Variants in RNFT2 observed in about 807,000 individuals in gnomAD.
The protein encoded by RNFT2 is E3 ubiquitin-protein ligase RNFT2.
A neutral mutation model predicts 53.0 loss-of-function variants in RNFT2; 36 were observed. The ratio of observed to expected loss-of-function variants is 0.68; its 90% CI spans 0.52 to 0.90. RNFT2 has a LOEUF of 0.90. RNFT2 is among the 40% of genes least tolerant of loss of function. The pLI, the probability that RNFT2 is intolerant of heterozygous loss-of-function variation, is 0.00. For synonymous variants in RNFT2, 260 were observed against 253.2 expected (o/e 1.03, Z -0.26); for missense variants, 514 against 585.6 (o/e 0.88, Z 1.26).
At chr12:116,791,162 A>AATCTG (rs1874213719) in intron 7 of RNFT2, among the ~76,000 whole-genome samples, 1 of 152,294 alleles carries the variant, frequency 6.6e-6, no homozygotes, top group South Asian at 2.1e-4. Flanking sequence ...GGCAACTGCC[A>AATCTG]ATCTGCTTTT....
At chr12:116,830,108 G>A (rs1249481666) in intron 7 of RNFT2, among the ~76,000 whole-genome samples, 1 of 152,064 alleles carries the variant, frequency 6.6e-6, no homozygotes. Context: ...AGTTGCAAAA[G>A]TAATGCTGCG....
At chr12:116,824,928 TTTG>T (rs772974486) in intron 7 of RNFT2, among the ~76,000 whole-genome samples, 6 of 152,090 alleles carry the variant, frequency 3.9e-5, no homozygotes, top group East Asian at 1.9e-4. Flanking sequence ...TACTTTAGTT[TTTG>T]TTGTTGTTGT....
intron 3 of RNFT2, among the ~76,000 whole-genome samples, chr12:116,743,080 CAAAAAAAA>C (rs10558117): frequency 6.1e-5 from 3 of 49,416 alleles, no homozygotes; most frequent in Admixed American, 3.3e-4. Context: ...GACCCTATCT[CAAAAAAAA>C]AAAAAAAAAA....
intron 6 of RNFT2, 77 bp from the exon 7 acceptor site, chr12:116,779,118 G>A (rs1054587456): frequency 2.1e-6 from 3 of 1,458,476 alleles, no homozygotes; most frequent in Non-Finnish European, 2.9e-6. Context: ...ATACTTAGAA[G>A]GCTCCTGAGT....
intron 6 of RNFT2, among the ~76,000 whole-genome samples, chr12:116,768,131 C>G (rs1287294251): frequency 2.1e-5 from 3 of 143,458 alleles, no homozygotes; most frequent in African/African-American, 7.9e-5. Flanking sequence ...TGGAGTTTCA[C>G]TCTTTGTTGC....
At chr12:116,841,083 G>A (rs1268089446) in intron 10 of RNFT2, among the ~76,000 whole-genome samples, 1 of 152,126 alleles carries the variant, frequency 6.6e-6, no homozygotes, top group Non-Finnish European at 1.5e-5. Flanking sequence ...ATCAATTGCT[G>A]TATAACAAGT....
intron 7 of RNFT2, among the ~76,000 whole-genome samples, chr12:116,813,534 T>C (rs899841081): frequency 1.3e-5 from 2 of 152,212 alleles, no homozygotes; most frequent in African/African-American, 2.4e-5. Context: ...ACCTGTGTGC[T>C]TCCATAGCCC....
At chr12:116,804,709 G>A (rs1178186613) in intron 7 of RNFT2, among the ~76,000 whole-genome samples, 5 of 152,130 alleles carry the variant, frequency 3.3e-5, no homozygotes, top group African/African-American at 1.2e-4. Context: ...GGTGGCTCAC[G>A]CCTGTAATCC....
intron 7 of RNFT2, among the ~76,000 whole-genome samples, chr12:116,803,561 G>C (rs571299297): frequency 1.3e-5 from 2 of 152,086 alleles, no homozygotes; most frequent in African/African-American, 4.8e-5. Context: ...GGTATCCCAG[G>C]TGCTGCTGTC....
intron 6 of RNFT2, among the ~76,000 whole-genome samples, chr12:116,767,894 C>G (rs569275055): frequency 6.6e-6 from 1 of 151,846 alleles, no homozygotes; most frequent in Admixed American, 6.6e-5. Context: ...TCTTTTTTCA[C>G]GTTAACTCTT....
Position 116,775,722 on chromosome 12 carries a change from CAATT to C in RNFT2, c.729-3469_729-3466del, listed in dbSNP as rs373155380. Among the ~76,000 whole-genome samples the C allele has an allele frequency of 7.0e-3, 1,070 of 152,288 alleles. 6 individuals carry two copies. The highest frequency in any genetic ancestry group is 0.012 in the Non-Finnish European group (834 of 68,026). On this transcript the variant is annotated intron_variant, in intron 6 of 10. Transcript: ENST00000257575. ...ACAATAAAACATTGGACATATATCA[CAATT>C]AATATGATTCTTTTACGATTAAATA... is the stretch of plus-strand genomic sequence containing the variant.
At chr12:116,823,940 T>TG (rs1391601791) in intron 7 of RNFT2, among the ~76,000 whole-genome samples, 1 of 152,164 alleles carries the variant, frequency 6.6e-6, no homozygotes, top group Non-Finnish European at 1.5e-5. Context: ...AAGGATGAAG[T>TG]GACTTGCCCC....
Position 116,836,198 on chromosome 12 carries a change from C to A in RNFT2, c.1116C>A (p.Ala372=), listed in dbSNP as rs769820551. The change falls in exon 10 of 11, where the codon GCC becomes GCA. Residue 372 remains alanine, a synonymous_variant. Transcript: ENST00000257575. ...LCTSQNYGVR[A]TGQQCTEAGD... ...CCTCAAAGAACTATGGAGTCCGAGC[C>A]ACCGGGCAGCAGTGCACAGAAGCTG... The A allele has an allele frequency of 6.3e-7, 1 of 1,595,510 alleles. No individual in the cohort carries two copies. The highest frequency in any genetic ancestry group is 1.8e-5 in the Admixed American group (1 of 56,948).
At chr12:116,793,724 A>G (rs780077850) in intron 7 of RNFT2, among the ~76,000 whole-genome samples, 10 of 151,732 alleles carry the variant, frequency 6.6e-5, no homozygotes, top group Non-Finnish European at 1.5e-5. Flanking sequence ...CCTTCCCATC[A>G]CTTGGATCTC....
At chr12:116,843,887 A>G (rs1453922864) in intron 10 of RNFT2, among the ~76,000 whole-genome samples, 1 of 152,086 alleles carries the variant, frequency 6.6e-6, no homozygotes, top group Non-Finnish European at 1.5e-5. Context: ...CTCTCCATTG[A>G]CAGAGCCCCT....
chr12:116,836,067 C>G, intron 9 of RNFT2, 42 bp downstream of exon 9: 1 of 1,611,406 alleles, frequency 6.2e-7, no homozygotes. Flanking sequence ...TCCTGAGAAT[C>G]AGGAACTGGA....
In RNFT2 at chr12:116,779,266, AC is replaced by A; in HGVS notation, c.801del (p.Phe268LeufsTer3). On this transcript the variant is annotated frameshift_variant, in exon 7 of 11. Transcript: ENST00000257575. LOFTEE classifies it high-confidence loss of function. ...CTGCTATGGATTGTGGGGATCGCAG[AC>A]TTTGTTCTGAAGTACATCACCATCG... ...FDLLWIVGIA[D>X]FVLKYITIAL... is the part of the protein sequence containing the mutation. 1 of 1,613,948 alleles carries A rather than the reference AC, an allele frequency of 6.2e-7. No homozygotes were observed. Among genetic ancestry groups the A allele is most frequent in the South Asian group, 1.1e-5 (1 of 91,078 alleles).
chr12:116,750,820 TATATATATA>T (rs1872167756), intron 4 of RNFT2, among the ~76,000 whole-genome samples: 5 of 4,244 alleles, frequency 1.2e-3, no homozygotes, highest in South Asian at 5.2e-3. Flanking sequence ...ATATATATAT[TATATATATA>T]ATATATATAT....
chr12:116,769,149 G>A (rs112383442), intron 6 of RNFT2, among the ~76,000 whole-genome samples: 7,962 of 152,156 alleles, frequency 0.052, 561 homozygotes, highest in African/African-American at 0.15. Flanking sequence ...CACGAGGTCA[G>A]GAGTTCAAGA....
Sources: gnomAD v4.1 joint callset for allele counts (sites outside exome capture counted in the v4.1 genomes callset) on GRCh38, gnomAD v4.1.1 for gene constraint, MANE v1.5 for transcripts, NCBI Gene and HGNC (gene_info 2026-07-23, HGNC 2026-07-21) for gene names.